ARSF: variants seen among roughly 807,000 people sequenced by gnomAD.
ARSF encodes the protein arylsulfatase F.
Under a neutral mutation model 35.4 loss-of-function variants are expected in ARSF, and 33 were observed. The ratio of observed to expected loss-of-function variants is 0.93; its 90% CI spans 0.71 to 1.25. ARSF has a LOEUF of 1.25. Among genes scored for constraint, ARSF ranks in the 50% most tolerant of loss-of-function variants. ARSF has a pLI of 0.00. For synonymous variants in ARSF, 222 were observed against 193.1 expected (o/e 1.15, Z -1.24); for missense variants, 501 against 480.2 (o/e 1.04, Z -0.40).
At chrX:3,079,483 T>G (rs1343251667) in intron 4 of ARSF, among the ~76,000 whole-genome samples, 1 of 108,634 alleles carries the variant, frequency 9.2e-6, no homozygotes, top group Non-Finnish European at 1.9e-5. Context: ...TAGCTGGGAT[T>G]ACAGGCATGT....
At chrX:3,051,064 G>A (rs1220442493) in intron 1 of ARSF, among the ~76,000 whole-genome samples, 2 of 111,287 alleles carry the variant, frequency 1.8e-5, no homozygotes, top group Non-Finnish European at 3.8e-5. Flanking sequence ...GACATTCCTG[G>A]TGGGGCTGGG....
chrX:3,070,938 GGTGTGTGTGTGTGT>G (rs36129786), intron 2 of ARSF, among the ~76,000 whole-genome samples: 6 of 95,148 alleles, frequency 6.3e-5, no homozygotes, highest in Admixed American at 2.4e-4. Flanking sequence ...AGTATTCCAT[GGTGTGTGTGTGTGT>G]GTGTGTGTGT....
intron 5 of ARSF, among the ~76,000 whole-genome samples, chrX:3,082,669 C>A (rs377425550): frequency 2.7e-5 from 3 of 111,843 alleles, no homozygotes. Flanking sequence ...CTTTCATCCA[C>A]CTACATATAC....
chrX:3,075,418 C>T (rs1391981209), intron 3 of ARSF, among the ~76,000 whole-genome samples: 2 of 109,866 alleles, frequency 1.8e-5, no homozygotes, highest in African/African-American at 6.6e-5. Flanking sequence ...CTGTCTCTCT[C>T]TCTCCTCTTT....
intron 7 of ARSF, among the ~76,000 whole-genome samples, chrX:3,097,473 A>G (rs1429253705): frequency 8.9e-6 from 1 of 112,001 alleles, no homozygotes; most frequent in African/African-American, 3.2e-5. Context: ...TTCCAAAAAT[A>G]TCAGCAAAAT....
rs781134306 is a variant in ARSF at position 3,112,288 on chromosome X, A to AC, written c.1511dup (p.Leu505SerfsTer24). The stretch of plus-strand genomic sequence containing the variant: ...TTCGGAGAACAGGTTACCTACCACA[A>AC]CCCCCCTCTGCTCTTCGATCTCTCC... On this transcript the variant is annotated frameshift_variant, in exon 11 of 11. Transcript: ENST00000381127. LOFTEE classifies it low-confidence loss of function (END_TRUNC). 1 of 1,207,096 alleles carries AC rather than the reference A, an allele frequency of 8.3e-7. No individual in the cohort carries two copies. Among genetic ancestry groups the AC allele is most frequent in the Non-Finnish European group, 1.1e-6 (1 of 893,694 alleles).
Position 3,102,621 on chromosome X carries a change from A to T in ARSF, c.1103-1141A>T, listed in dbSNP as rs1271239518. 3.6e-5 allele frequency among the ~76,000 whole-genome samples: 4 copies of T among 112,439 alleles called. No individual in the cohort carries two copies. In the East Asian group the frequency reaches 1.1e-3, roughly 31 times the overall value. ...CATGTTAGACATTGTATGTTTGCTT[A>T]TGGGAACTGTTTTTAAAAATTTTTG... On this transcript the variant is annotated intron_variant, in intron 8 of 10. Coordinates refer to ENST00000381127, the MANE Select transcript of ARSF (RefSeq NM_001201539.2).
At chrX:3,079,342 A>ATTT (rs57390116) in intron 4 of ARSF, among the ~76,000 whole-genome samples, 1 of 71,176 alleles carries the variant, frequency 1.4e-5, no homozygotes, top group African/African-American at 5.5e-5. Flanking sequence ...GCATGGTTCT[A>ATTT]TTTTTTTTTT....
chrX:3,089,388 C>T, intron 6 of ARSF, 108 bp from the exon 7 acceptor site: 2 of 944,486 alleles, frequency 2.1e-6, no homozygotes, highest in Non-Finnish European at 1.5e-6. Flanking sequence ...CTATCTTCTG[C>T]AGCTTGGAGA....
chrX:3,099,303 G>A (rs2090360161), intron 7 of ARSF, among the ~76,000 whole-genome samples: 1 of 111,490 alleles, frequency 9.0e-6, no homozygotes, highest in Admixed American at 9.6e-5. Context: ...TACACAGCAA[G>A]CAAAACCAAT....
chrX:3,101,321 C>A, intron 8 of ARSF, 100 bp downstream of exon 8: 1 of 964,881 alleles, frequency 1.0e-6, no homozygotes, highest in Non-Finnish European at 1.4e-6. Flanking sequence ...GCCTGAAAAA[C>A]TGAACAAGTT....
At chrX:3,072,990 CTA>C (rs1488845428) in intron 3 of ARSF, among the ~76,000 whole-genome samples, 2 of 98,449 alleles carry the variant, frequency 2.0e-5, no homozygotes, top group African/African-American at 7.3e-5. Flanking sequence ...ATACATATTT[CTA>C]TGTCTATGAA....
intron 10 of ARSF, among the ~76,000 whole-genome samples, chrX:3,111,213 G>A (rs2090442968): frequency 9.1e-6 from 1 of 109,471 alleles, no homozygotes; most frequent in Non-Finnish European, 1.9e-5. Flanking sequence ...AGGCATAAGT[G>A]GTCATGGCTA....
intron 3 of ARSF, among the ~76,000 whole-genome samples, chrX:3,073,199 ATATTATC>A (rs2090118819): frequency 5.2e-5 from 5 of 96,160 alleles, no homozygotes; most frequent in Non-Finnish European, 1.0e-4. Flanking sequence ...ATAAAAGTAT[ATATTATC>A]AATATATATT....
intron 1 of ARSF, among the ~76,000 whole-genome samples, chrX:3,055,342 CAAAAA>C (rs770014108): frequency 3.1e-5 from 1 of 32,463 alleles, no homozygotes; most frequent in African/African-American, 1.2e-4. Context: ...AACTCCATTT[CAAAAA>C]AAAAAAAAAA....
intron 1 of ARSF, among the ~76,000 whole-genome samples, chrX:3,046,106 G>A (rs1207273606): frequency 3.6e-5 from 4 of 110,512 alleles, no homozygotes; most frequent in Admixed American, 9.6e-5. Flanking sequence ...GGCTGGTCTC[G>A]AACTCCTAAC....
intron 7 of ARSF, among the ~76,000 whole-genome samples, chrX:3,099,482 A>G (rs930959603): frequency 3.6e-5 from 4 of 110,799 alleles, no homozygotes; most frequent in Non-Finnish European, 7.5e-5. Flanking sequence ...GAGAATAAAG[A>G]CCGGGTATCA....
intron 7 of ARSF, 102 bp downstream of exon 7, chrX:3,089,734 C>T: frequency 1.1e-6 from 1 of 947,599 alleles, no homozygotes; most frequent in Non-Finnish European, 1.5e-6. Flanking sequence ...AGAATTATGC[C>T]TATGGGACAG....
At chrX:3,072,307 G>C (rs182958929) in intron 3 of ARSF, 132 bp downstream of exon 3, 2 of 617,935 alleles carry the variant, frequency 3.2e-6, no homozygotes, top group Non-Finnish European at 4.8e-6. Context: ...TAAACTTTTT[G>C]ATAGTTTTAA....
Sources: allele counts gnomAD v4.1 joint callset (sites outside exome capture counted in the v4.1 genomes callset), GRCh38; gene constraint gnomAD v4.1.1; transcripts MANE v1.5; gene names NCBI Gene and HGNC (gene_info 2026-07-23, HGNC 2026-07-21).